STX18: variants seen among roughly 807,000 people sequenced by gnomAD.
STX18 encodes the protein syntaxin 18, also known as syntaxin-18.
In STX18, 40 loss-of-function variants were observed where a neutral mutation model predicts 50.1. The observed-to-expected ratio is 0.80, with a 90% CI of 0.62 to 1.04. STX18 has a LOEUF of 1.04. Ranked by LOEUF, STX18 falls within the 50% of genes least tolerant of loss-of-function variation. STX18 has a pLI of 0.00. For synonymous variants in STX18, 158 were observed against 151.8 expected, an observed-to-expected ratio of 1.04 and a Z score of -0.30; for missense variants, 410 against 415.8, an observed-to-expected ratio of 0.99 and a Z score of 0.12.
At chr4:4,527,337 G>A (rs112534918) in intron 1 of STX18, among the ~76,000 whole-genome samples, 1 of 151,914 alleles carries the variant, frequency 6.6e-6, no homozygotes, top group South Asian at 2.1e-4. Flanking sequence ...GTTGAGTGTG[G>A]GTAATAAATG....
intron 1 of STX18, chr4:4,507,563 T>C: frequency 1.3e-6 from 1 of 765,530 alleles, no homozygotes; most frequent in Non-Finnish European, 2.4e-6. Context: ...AGGAGTGCAC[T>C]CTGACAGCTG....
intron 2 of STX18, among the ~76,000 whole-genome samples, chr4:4,460,179 G>C (rs768476523): frequency 6.6e-6 from 1 of 152,030 alleles, no homozygotes; most frequent in Non-Finnish European, 1.5e-5. Flanking sequence ...CTCTAAAAAC[G>C]TAAGTTCCAC....
chr4:4,531,145 T>A (rs1159373661), intron 1 of STX18, among the ~76,000 whole-genome samples: 1 of 132,640 alleles, frequency 7.5e-6, no homozygotes, highest in East Asian at 2.0e-4. Context: ...TTGGCATGGA[T>A]AAAATTTACA....
intron 7 of STX18, among the ~76,000 whole-genome samples, chr4:4,427,795 T>A (rs1577312367): frequency 6.6e-6 from 1 of 152,218 alleles, no homozygotes; most frequent in African/African-American, 2.4e-5. Context: ...TAGCTCCATG[T>A]CCGCCCTCCA....
intron 1 of STX18, among the ~76,000 whole-genome samples, chr4:4,484,738 A>G (rs755923514): frequency 6.6e-6 from 1 of 152,192 alleles, no homozygotes; most frequent in Non-Finnish European, 1.5e-5. Context: ...CTACCTGCCT[A>G]ACAACCCAAT....
intron 1 of STX18, among the ~76,000 whole-genome samples, chr4:4,523,945 C>T (rs1199615335): frequency 6.6e-6 from 1 of 152,190 alleles, no homozygotes; most frequent in Admixed American, 6.5e-5. Context: ...CTCCCTTTAA[C>T]CCCTCCCACT....
intron 7 of STX18, among the ~76,000 whole-genome samples, chr4:4,428,508 A>G (rs551703120): frequency 2.3e-4 from 35 of 151,996 alleles, no homozygotes; most frequent in African/African-American, 7.5e-4. Flanking sequence ...ACCAAAGTGC[A>G]TGGCATATAG....
At chr4:4,514,609 T>C (rs1357960982) in intron 1 of STX18, among the ~76,000 whole-genome samples, 1 of 152,184 alleles carries the variant, frequency 6.6e-6, no homozygotes, top group Non-Finnish European at 1.5e-5. Context: ...TAAGCAGTAA[T>C]ACAATAGGAT....
chr4:4,455,613 A>T (rs1253239912), intron 5 of STX18, among the ~76,000 whole-genome samples: 6 of 152,198 alleles, frequency 3.9e-5, no homozygotes, highest in Non-Finnish European at 8.8e-5. Flanking sequence ...GTTTGAATGC[A>T]GTTCAGTGCT....
intron 2 of STX18, chr4:4,461,991 C>T (rs1191670197): frequency 4.6e-5 from 21 of 456,246 alleles, no homozygotes; most frequent in Admixed American, 2.3e-4. Flanking sequence ...CCAGGGGCTG[C>T]GGCTGCGCAG....
At chr4:4,480,370 G>A (rs1171763617) in intron 1 of STX18, among the ~76,000 whole-genome samples, 1 of 152,146 alleles carries the variant, frequency 6.6e-6, no homozygotes, top group Non-Finnish European at 1.5e-5. Flanking sequence ...ACGCTCTGCT[G>A]CTGTCTCCAG....
intron 1 of STX18, among the ~76,000 whole-genome samples, chr4:4,540,549 T>C (rs1731537532): frequency 6.6e-6 from 1 of 152,202 alleles, no homozygotes; most frequent in Admixed American, 6.5e-5. Context: ...CTATAAAGCC[T>C]TTTCTGGTCC....
At chr4:4,504,171 TGGA>T (rs1475665311) in intron 1 of STX18, among the ~76,000 whole-genome samples, 4 of 152,036 alleles carry the variant, frequency 2.6e-5, no homozygotes, top group African/African-American at 4.8e-5. Context: ...GGCTGTGAGG[TGGA>T]GGAGAACATA....
In STX18 at chr4:4,420,790, C is replaced by G; in HGVS notation, c.912+74G>C. ...CAGCAAGGCTCCTGGGCAGCTGTGC[C>G]GGCGAGACTAACACCCGCTGCTGGG... On this transcript the variant is annotated intron_variant, in intron 10 of 10. Coordinates refer to ENST00000306200, the MANE Select transcript of STX18 (RefSeq NM_016930.4). The surrounding 1 kb of genome is among the most constrained non-coding windows in gnomAD (Gnocchi z 4.3). 7.3e-7 allele frequency: 1 copy of G among 1,364,480 alleles called. No homozygotes were observed. 84.5% of individuals were successfully genotyped at this position (1,364,480 alleles called of 1,614,324 possible).
At chr4:4,429,974 TA>T (rs1725443819) in intron 7 of STX18, among the ~76,000 whole-genome samples, 1 of 152,360 alleles carries the variant, frequency 6.6e-6, no homozygotes, top group South Asian at 2.1e-4. Context: ...CAGGTGGTTT[TA>T]CCTGAGGCAA....
chr4:4,524,898 G>T (rs1164881419), intron 1 of STX18, among the ~76,000 whole-genome samples: 1 of 152,132 alleles, frequency 6.6e-6, no homozygotes, highest in Non-Finnish European at 1.5e-5. Flanking sequence ...TACAGAAAAA[G>T]GAGACAAACA....
intron 6 of STX18, among the ~76,000 whole-genome samples, chr4:4,436,483 C>T (rs1725781335): frequency 7.4e-6 from 1 of 135,984 alleles, no homozygotes; most frequent in East Asian, 2.3e-4. Flanking sequence ...TTGTTGATTT[C>T]TTTTTTAAGG....
chr4:4,507,627 A>T, intron 1 of STX18: 1 of 769,776 alleles, frequency 1.3e-6, no homozygotes, highest in Admixed American at 1.7e-5. Context: ...TGTGGGCAAG[A>T]GAATTCACGT....
At chr4:4,498,933 A>T (rs1467572009) in intron 1 of STX18, among the ~76,000 whole-genome samples, 1 of 152,216 alleles carries the variant, frequency 6.6e-6, no homozygotes, top group Non-Finnish European at 1.5e-5. Flanking sequence ...CAAGAAGACA[A>T]AGTTCACCTA....
Sources: gnomAD v4.1 joint callset for allele counts (sites outside exome capture counted in the v4.1 genomes callset) on GRCh38, gnomAD v4.1.1 for gene constraint, Gnocchi (gnomAD v3.1) non-coding constraint, MANE v1.5 for transcripts, NCBI Gene and HGNC (gene_info 2026-07-23, HGNC 2026-07-21) for gene names.